Variants in TDRP observed in about 807,000 individuals in gnomAD.
TDRP encodes the protein testis development-related protein.
In TDRP, 12 loss-of-function variants were observed where a neutral mutation model predicts 10.5. The observed-to-expected ratio is 1.15, with a 90% CI of 0.73 to 1.86. The LOEUF (loss-of-function observed/expected upper bound fraction) is 1.86, where lower values mean the gene tolerates loss of function less well. Among genes scored for constraint, TDRP ranks in the 40% most tolerant of loss-of-function variants. The pLI, the probability that TDRP is intolerant of heterozygous loss-of-function variation, is 0.00. For synonymous variants in TDRP, 139 were observed against 95.4 expected (o/e 1.46, Z -2.67); for missense variants, 353 against 229.2 (o/e 1.54, Z -3.49).
intron 2 of TDRP, among the ~76,000 whole-genome samples, chr8:493,195 A>G (rs954017588): frequency 1.3e-5 from 2 of 152,228 alleles, no homozygotes; most frequent in Admixed American, 6.5e-5. Flanking sequence ...CTCAACAAAA[A>G]TAAGAATTCA....
At chr8:497,265 C>T (rs944011226) in intron 1 of TDRP, among the ~76,000 whole-genome samples, 1 of 152,160 alleles carries the variant, frequency 6.6e-6, no homozygotes, top group African/African-American at 2.4e-5. Flanking sequence ...GTGATACAGA[C>T]AATGAAGTCC....
At chr8:532,817 G>C (rs1490535547) in intron 1 of TDRP, among the ~76,000 whole-genome samples, 1 of 152,120 alleles carries the variant, frequency 6.6e-6, no homozygotes, top group African/African-American at 2.4e-5. Context: ...TGTAAATAAA[G>C]TCACTATACT....
At position 492,349 on chromosome 8, in the gene TDRP, A is replaced by G; in HGVS notation, c.*50T>C. ...GGAAAAGACTCAACAACTACATGGTATACTCATAAAAGGCCACCATGTCGG... is the reference window on the plus strand; with the variant it reads ...GGAAAAGACTCAACAACTACATGGTGTACTCATAAAAGGCCACCATGTCGG... On this transcript the variant is annotated 3_prime_UTR_variant, in exon 3 of 3. Coordinates refer to ENST00000324079, the MANE Select transcript of TDRP (RefSeq NM_001384899.1). 1.4e-6 allele frequency: 2 copies of G among 1,443,410 alleles called. No individual in the cohort carries two copies. The highest frequency in any genetic ancestry group is 1.8e-6 in the Non-Finnish European group (2 of 1,094,960). The allele number at this position is 1,443,410 out of a possible 1,614,324, so 89.4% of individuals were successfully genotyped here. A position where few individuals can be genotyped will look rare whatever the true frequency, so the allele number is the denominator to read the frequency against.
intron 1 of TDRP, among the ~76,000 whole-genome samples, chr8:538,408 C>T (rs988450851): frequency 1.3e-5 from 2 of 152,164 alleles, no homozygotes; most frequent in African/African-American, 2.4e-5. Context: ...GTAGCCTTCC[C>T]GGTCCCTCCT....
intron 1 of TDRP, among the ~76,000 whole-genome samples, chr8:513,202 C>T (rs371483882): frequency 1.5e-4 from 22 of 151,140 alleles, no homozygotes; most frequent in South Asian, 4.2e-4. Context: ...AAAGACACCA[C>T]GAGAAAAGGA....
At chr8:510,446 C>A (rs192552219) in intron 1 of TDRP, among the ~76,000 whole-genome samples, 1 of 152,248 alleles carries the variant, frequency 6.6e-6, no homozygotes, top group East Asian at 1.9e-4. Flanking sequence ...CTTTATTATA[C>A]CAACCAAAGA....
chr8:511,438 T>C (rs762655343), intron 1 of TDRP, among the ~76,000 whole-genome samples: 4 of 152,114 alleles, frequency 2.6e-5, no homozygotes, highest in Non-Finnish European at 4.4e-5. Flanking sequence ...AAGACTTACA[T>C]GTACATAGTA....
chr8:494,387 A>T, intron 2 of TDRP, 107 bp downstream of exon 2: 1 of 1,095,982 alleles, frequency 9.1e-7, no homozygotes. Context: ...GCGCCCCACA[A>T]TGCCTCCAGT....
chr8:495,026 G>A (rs1042826718), intron 1 of TDRP: 1 of 156,260 alleles, frequency 6.4e-6, no homozygotes, highest in Non-Finnish European at 1.4e-5. Flanking sequence ...GAGCCCAGGA[G>A]TTCAACACCA....
At chr8:502,023 G>T (rs77664501) in intron 1 of TDRP, among the ~76,000 whole-genome samples, 11,583 of 152,284 alleles carry the variant, frequency 0.076, 500 homozygotes, top group South Asian at 0.13. Flanking sequence ...ACTCTGGGAA[G>T]AGTGAAAGCA....
At chr8:497,494 A>C (rs539366915) in intron 1 of TDRP, among the ~76,000 whole-genome samples, 1 of 152,346 alleles carries the variant, frequency 6.6e-6, no homozygotes, top group East Asian at 1.9e-4. Flanking sequence ...AACAGCATAC[A>C]GTCATATGTG....
chr8:544,482 A>C (rs568714549), intron 1 of TDRP, among the ~76,000 whole-genome samples, 168 bp downstream of exon 1: 32 of 151,966 alleles, frequency 2.1e-4, no homozygotes, highest in South Asian at 8.3e-4. Context: ...CCGACTCCGC[A>C]CTCGGGCACC....
At chr8:515,007 G>T (rs540790730) in intron 1 of TDRP, among the ~76,000 whole-genome samples, 2 of 152,184 alleles carry the variant, frequency 1.3e-5, no homozygotes, top group Non-Finnish European at 2.9e-5. Flanking sequence ...TTCCAATTCA[G>T]CTAATATGTA....
intron 1 of TDRP, among the ~76,000 whole-genome samples, chr8:526,819 C>G (rs1802047588): frequency 6.6e-6 from 1 of 152,150 alleles, no homozygotes. Context: ...CCACTTTTAC[C>G]ACTGTTATTC....
chr8:513,749 AAGT>A (rs779834967), intron 1 of TDRP, among the ~76,000 whole-genome samples: 12 of 152,240 alleles, frequency 7.9e-5, no homozygotes, highest in African/African-American at 2.4e-4. Flanking sequence ...ACAAAATATG[AAGT>A]AGTCCACTAA....
intron 1 of TDRP, among the ~76,000 whole-genome samples, chr8:495,345 T>C (rs1015349520): frequency 6.6e-6 from 1 of 152,196 alleles, no homozygotes; most frequent in African/African-American, 2.4e-5. Context: ...CTGGAACAAC[T>C]GTGCCACTAC....
At chr8:512,678 A>G (rs928498630) in intron 1 of TDRP, among the ~76,000 whole-genome samples, 25 of 152,206 alleles carry the variant, frequency 1.6e-4, no homozygotes, top group African/African-American at 5.8e-4. Context: ...GAATACATAT[A>G]TAACAAGTGA....
intron 1 of TDRP, among the ~76,000 whole-genome samples, chr8:521,085 A>T (rs1427549493): frequency 6.6e-6 from 1 of 151,834 alleles, no homozygotes; most frequent in African/African-American, 2.4e-5. Flanking sequence ...ATCTATTTTG[A>T]ATTAATTTTT....
At chr8:502,054 G>A (rs1180021408) in intron 1 of TDRP, among the ~76,000 whole-genome samples, 3 of 152,206 alleles carry the variant, frequency 2.0e-5, no homozygotes, top group Non-Finnish European at 4.4e-5. Context: ...GCCTCTTCTT[G>A]GCATCGCCAT....
Sources: gnomAD v4.1 joint callset for allele counts (sites outside exome capture counted in the v4.1 genomes callset) on GRCh38, gnomAD v4.1.1 for gene constraint, MANE v1.5 for transcripts, NCBI Gene and HGNC (gene_info 2026-07-23, HGNC 2026-07-21) for gene names.